Variants in MTO1 observed in about 807,000 individuals in gnomAD.
MTO1 encodes the protein 5-taurinomethyluridine-[tRNA] synthase subunit MTO1, mitochondrial.
A neutral mutation model predicts 71.6 loss-of-function variants in MTO1; 46 were observed. That is an observed-to-expected ratio of 0.64 (90% CI 0.51 to 0.82). The LOEUF is 0.82. Among genes scored for constraint, MTO1 ranks in the 40% least tolerant of loss-of-function variants. MTO1 has a pLI of 0.00. For synonymous variants in MTO1, 297 were observed against 312.1 expected (o/e 0.95, Z 0.51); for missense variants, 773 against 867.5 (o/e 0.89, Z 1.37).
rs570016499 is a variant in MTO1, at chr6:73,463,042, G to A, written c.217+971G>A. On this transcript the variant is annotated intron_variant, in intron 1 of 11. Transcript: ENST00000498286. Reference sequence around the variant, plus strand: ...TACCTTTTTTTTTTTTTTTTCTTTTGAGACAGAGTCTTGCACTGTCACACA... The same window carrying A: ...TACCTTTTTTTTTTTTTTTTCTTTTAAGACAGAGTCTTGCACTGTCACACA... Among the ~76,000 whole-genome samples, 22 of 110,362 alleles carry A rather than the reference G, an allele frequency of 2.0e-4. No individual in the cohort carries two copies. The South Asian group carries it at 2.1e-3, about 11-fold the overall frequency. 72.4% of individuals were successfully genotyped at this position (110,362 alleles called of 152,430 possible).
rs964633988 is a variant in MTO1, at chr6:73,503,950, C to T, written c.*3215C>T. On this transcript the variant is annotated 3_prime_UTR_variant, in exon 12 of 12. Coordinates refer to ENST00000498286, the MANE Select transcript of MTO1 (RefSeq NM_012123.4). Reference sequence around the variant, plus strand: ...CTTTTCTACTTCAGAAATTTCAACTCCTAGAAGAATGCCCTGTCCAGAAGA... The same window carrying T: ...CTTTTCTACTTCAGAAATTTCAACTTCTAGAAGAATGCCCTGTCCAGAAGA... The T allele has an allele frequency of 6.6e-6, 1 of 152,102 alleles. No individual in the cohort carries two copies. The highest frequency in any genetic ancestry group is 1.5e-5 in the Non-Finnish European group (1 of 68,020). The allele number at this position is 152,102 out of a possible 1,614,324, so 9.4% of individuals were successfully genotyped here.
chr6:73,464,925 C>T (rs1213845345), intron 1 of MTO1, among the ~76,000 whole-genome samples: 1 of 151,618 alleles, frequency 6.6e-6, no homozygotes, highest in Non-Finnish European at 1.5e-5. Context: ...ATAACTTGCC[C>T]ATCCCTCCAC....
intron 6 of MTO1, chr6:73,480,407 A>G (rs1465911275): frequency 4.8e-6 from 3 of 630,480 alleles, no homozygotes; most frequent in Admixed American, 4.3e-5. Flanking sequence ...AGTAACTGGG[A>G]TTACAGGCAT....
rs768556581 is a variant in MTO1, at chr6:73,482,458, A to C, written c.1475A>C (p.Asp492Ala). The change falls in exon 9 of 12, where the codon GAC becomes GCC. Residue 492 changes from aspartate (D) to alanine (A), a missense_variant. Asp to Ala is a moderately radical substitution (Grantham distance 126). Transcript: ENST00000498286. ...TTTCTCCCTTCCCTAGGGTATAAAG[A>C]CGCTGGCTGTGTGTCCCAACAACGA... is the stretch of plus-strand genomic sequence containing the variant. ...DSRLTLRGYK[D>A]AGCVSQQRYE... is the part of the protein sequence containing the mutation. 1 of 1,611,730 alleles carries C rather than the reference A, an allele frequency of 6.2e-7. No homozygotes were observed. Among genetic ancestry groups the C allele is most frequent in the East Asian group, 2.2e-5 (1 of 44,878 alleles).
intron 11 of MTO1, 84 bp downstream of exon 11, chr6:73,497,980 C>A: frequency 8.5e-7 from 1 of 1,178,532 alleles, no homozygotes; most frequent in Non-Finnish European, 1.2e-6. Context: ...TTATAATGGC[C>A]ATATAACTAA....
At chr6:73,479,606 A>G (rs1771427722) in intron 4 of MTO1, 126 bp from the exon 5 acceptor site, 1 of 620,386 alleles carries the variant, frequency 1.6e-6, no homozygotes, top group Admixed American at 3.4e-5. Flanking sequence ...CTTCATAAGT[A>G]ATACTAGGCA....
chr6:73,492,217 CTT>C lies in MTO1; in HGVS notation c.1638-15_1638-14del, dbSNP rs746350425. On this transcript the variant is annotated splice_polypyrimidine_tract_variant and intron_variant, in intron 9 of 11. Coordinates refer to ENST00000498286, the MANE Select transcript of MTO1 (RefSeq NM_012123.4). Reference sequence around the variant, plus strand: ...GACATGGATCCTTATGTTAATGAAACTTTCATATATTTGCAGAGCTCTCGATG... The same window carrying C: ...GACATGGATCCTTATGTTAATGAAACTCATATATTTGCAGAGCTCTCGATG... The C allele has an allele frequency of 2.0e-6, 3 of 1,527,186 alleles. No homozygotes were observed. Among genetic ancestry groups the C allele is most frequent in the Non-Finnish European group, 2.7e-6 (3 of 1,101,880 alleles). 94.6% of individuals were successfully genotyped at this position (1,527,186 alleles called of 1,614,324 possible).
At chr6:73,499,158 A>G (rs991152783) in intron 11 of MTO1, among the ~76,000 whole-genome samples, 2 of 152,050 alleles carry the variant, frequency 1.3e-5, no homozygotes, top group South Asian at 2.1e-4. Flanking sequence ...GAAAAAAACT[A>G]TTTTTACAGG....
At position 73,492,236 on chromosome 6, in the gene MTO1, C is replaced by T. The variant is rs751843868; in HGVS notation, c.1640C>T (p.Ala547Val). The change falls in exon 10 of 12, where the codon GCT (alanine) becomes GTT (valine). Residue 547 changes from alanine (A) to valine (V), a missense_variant and splice_region_variant. Ala to Val is a moderately conservative substitution (Grantham distance 64). Coordinates refer to ENST00000498286, the MANE Select transcript of MTO1 (RefSeq NM_012123.4). ...ATGAAACTTTCATATATTTGCAGAG[C>T]TCTCGATGTTCTGAAGTATGAGGAA... ...ISTSRSLPVR[A>V]LDVLKYEEVD... 1 of 1,601,822 alleles carries T rather than the reference C, an allele frequency of 6.2e-7. No individual in the cohort carries two copies. Among genetic ancestry groups the T allele is most frequent in the Non-Finnish European group, 8.6e-7 (1 of 1,169,024 alleles).
intron 3 of MTO1, among the ~76,000 whole-genome samples, chr6:73,467,765 C>CT (rs1771042686): frequency 6.6e-6 from 1 of 152,026 alleles, no homozygotes; most frequent in Non-Finnish European, 1.5e-5. Flanking sequence ...GCAGGCTTAT[C>CT]TTTTTACTTC....
intron 10 of MTO1, among the ~76,000 whole-genome samples, chr6:73,494,722 C>T (rs747887298): frequency 8.6e-5 from 13 of 150,494 alleles, no homozygotes; most frequent in South Asian, 4.2e-4. Flanking sequence ...GTGATCCACC[C>T]GCCTCGGCCT....
intron 2 of MTO1, 22 bp from the exon 3 acceptor site, chr6:73,466,467 A>G: frequency 6.2e-7 from 1 of 1,613,518 alleles, no homozygotes; most frequent in Non-Finnish European, 8.5e-7. Flanking sequence ...ACCATGTTTC[A>G]ACTGGCATTT....
In MTO1 at chr6:73,482,626, C is replaced by T; in HGVS notation, c.1637+6C>T. On this transcript the variant is annotated splice_donor_region_variant and intron_variant, in intron 9 of 11. Transcript: ENST00000498286. ...AGTAGAAGTCTGCCTGTCAGGTATG[C>T]ATTTTTAATATAGACCTTTCTCACT... 1.3e-6 allele frequency: 2 copies of T among 1,585,742 alleles called. No homozygotes were observed. Among genetic ancestry groups the T allele is most frequent in the Non-Finnish European group, 1.7e-6 (2 of 1,170,424 alleles).
intron 1 of MTO1, 99 bp downstream of exon 1, chr6:73,462,170 G>C: frequency 7.6e-7 from 1 of 1,308,406 alleles, no homozygotes; most frequent in Non-Finnish European, 1.1e-6. Flanking sequence ...TTTCCTCAAA[G>C]CTAGTGAGAA....
intron 9 of MTO1, among the ~76,000 whole-genome samples, chr6:73,487,199 T>A (rs1456811720): frequency 3.0e-3 from 1 of 328 alleles, no homozygotes; most frequent in Non-Finnish European, 0.015. Context: ...TGCTTTCAAT[T>A]TTTTTTTTTT....
At chr6:73,467,215 G>A (rs1243317063) in intron 3 of MTO1, among the ~76,000 whole-genome samples, 1 of 152,126 alleles carries the variant, frequency 6.6e-6, no homozygotes, top group African/African-American at 2.4e-5. Context: ...TCAATAAGCT[G>A]AAGTGGGAGG....
rs1167961257 is a variant in MTO1, at chr6:73,466,211, C to T, written c.220C>T (p.Gln74Ter). The T allele has an allele frequency of 6.2e-7, 1 of 1,611,046 alleles. No homozygotes were observed. The highest frequency in any genetic ancestry group is 2.2e-5 in the East Asian group (1 of 44,878). The change falls in exon 2 of 12, where the codon CAG becomes TAG. Residue 74 changes from glutamine to a stop codon, truncating the protein, a stop_gained and splice_region_variant. Transcript: ENST00000498286. LOFTEE classifies it high-confidence loss of function. ...LLTHRVDTIG[Q>*]MSCNPSFGGI... ...TTGTTTATGTCTATTATCTTTAGGT[C>T]AGATGTCATGTAATCCTTCCTTTGG...
intron 3 of MTO1, chr6:73,471,570 AC>A: frequency 2.9e-6 from 1 of 342,472 alleles, no homozygotes; most frequent in Non-Finnish European, 5.7e-6. Flanking sequence ...ATGTGTCACC[AC>A]CCCTGGCTAA....
At position 73,466,195 on chromosome 6, in the gene MTO1, T is replaced by G. The variant is rs767069399; in HGVS notation, c.218-14T>G. 8.1e-6 allele frequency: 13 copies of G among 1,599,186 alleles called. No homozygotes were observed. In the Admixed American group the frequency reaches 2.0e-4, roughly 25 times the overall value. ...TGCTCATATATTTATTTTGTTTATGTCTATTATCTTTAGGTCAGATGTCAT... is the reference window on the plus strand; with the variant it reads ...TGCTCATATATTTATTTTGTTTATGGCTATTATCTTTAGGTCAGATGTCAT... On this transcript the variant is annotated splice_polypyrimidine_tract_variant and intron_variant, in intron 1 of 11. Transcript: ENST00000498286.
Sources: gnomAD v4.1 joint callset for allele counts (sites outside exome capture counted in the v4.1 genomes callset) on GRCh38, gnomAD v4.1.1 for gene constraint, MANE v1.5 for transcripts, NCBI Gene and HGNC (gene_info 2026-07-23, HGNC 2026-07-21) for gene names.